Variants in PRKG1 observed in about 807,000 individuals in gnomAD.
PRKG1 encodes the protein cGMP-dependent protein kinase 1.
A neutral mutation model predicts 88.1 loss-of-function variants in PRKG1; 35 were observed. That is an observed-to-expected ratio of 0.40 (90% CI 0.30 to 0.53). The LOEUF is 0.53. PRKG1 is among the 20% of genes least tolerant of loss of function. The pLI is 0.59. For missense variants in PRKG1, 540 were observed against 839.8 expected (o/e 0.64, Z 4.41); for synonymous variants, 303 against 292.5 (o/e 1.04, Z -0.37).
intron 4 of PRKG1, among the ~76,000 whole-genome samples, chr10:51,897,411 A>T (rs1297595422): frequency 1.3e-5 from 2 of 151,884 alleles, no homozygotes; most frequent in African/African-American, 4.8e-5. Flanking sequence ...AATTAATATA[A>T]CTCTGTATGC....
rs573331544 is a variant in PRKG1 at position 51,906,150 on chromosome 10, C to T, written c.699-1357C>T. 7.9e-5 allele frequency among the ~76,000 whole-genome samples: 12 copies of T among 152,124 alleles called. No homozygotes were observed. In the East Asian group the frequency reaches 1.2e-3, roughly 15 times the overall value. ...TGTGTCTTCAATAATGGTTAGGAGT[C>T]GGCCTGGAGAAAGGTGTGTGTATGG... On this transcript the variant is annotated intron_variant, in intron 4 of 17. Coordinates refer to ENST00000373980, the MANE Select transcript of PRKG1 (RefSeq NM_006258.4).
At chr10:51,327,416 C>CA (rs778963198) in intron 2 of PRKG1, among the ~76,000 whole-genome samples, 10,042 of 79,874 alleles carry the variant, frequency 0.13, 531 homozygotes, top group African/African-American at 0.24. Flanking sequence ...GACTCAATCT[C>CA]AAAAAAAAAA....
intron 5 of PRKG1, among the ~76,000 whole-genome samples, chr10:51,929,772 A>T (rs1216372032): frequency 1.3e-5 from 2 of 152,154 alleles, no homozygotes; most frequent in Non-Finnish European, 2.9e-5. Flanking sequence ...CTCTTAGAGG[A>T]TACTACATAT....
chr10:51,480,516 A>G (rs1840322438), intron 3 of PRKG1, among the ~76,000 whole-genome samples: 1 of 151,792 alleles, frequency 6.6e-6, no homozygotes, highest in Non-Finnish European at 1.5e-5. Flanking sequence ...TCATCTTTGG[A>G]AGTAGAATGA....
chr10:51,316,931 G>T (rs530272777), intron 2 of PRKG1, among the ~76,000 whole-genome samples: 1 of 152,114 alleles, frequency 6.6e-6, no homozygotes, highest in African/African-American at 2.4e-5. Flanking sequence ...TTTGAGCTGG[G>T]TGCATAAAAT....
chr10:51,756,398 G>T (rs780584731), intron 3 of PRKG1, among the ~76,000 whole-genome samples: 51 of 150,568 alleles, frequency 3.4e-4, no homozygotes, highest in Non-Finnish European at 6.0e-4. Flanking sequence ...GAGGTGGGAG[G>T]ATTGCTTGAG....
intron 3 of PRKG1, among the ~76,000 whole-genome samples, chr10:51,473,911 G>A (rs1321544109): frequency 3.3e-5 from 5 of 151,774 alleles, no homozygotes; most frequent in Non-Finnish European, 1.5e-5. Context: ...TTGCTTAGAG[G>A]CATTTTTAGT....
At chr10:51,944,177 T>C (rs2133036967) in intron 5 of PRKG1, among the ~76,000 whole-genome samples, 1 of 152,228 alleles carries the variant, frequency 6.6e-6, no homozygotes, top group African/African-American at 2.4e-5. Flanking sequence ...CCTGGTTTAG[T>C]CTTGGGAGGG....
chr10:51,284,363 A>G (rs531569685), intron 2 of PRKG1, among the ~76,000 whole-genome samples: 1 of 152,350 alleles, frequency 6.6e-6, no homozygotes, highest in Non-Finnish European at 1.5e-5. Flanking sequence ...TAGGAAGCTG[A>G]GGCTCAGAAT....
At chr10:51,298,950 G>T (rs1329964033) in intron 2 of PRKG1, among the ~76,000 whole-genome samples, 4 of 152,108 alleles carry the variant, frequency 2.6e-5, no homozygotes, top group Non-Finnish European at 4.4e-5. Context: ...TTGTTCTTTG[G>T]TAAGTGTTTT....
At position 51,685,641 on chromosome 10, in the gene PRKG1, A is replaced by G. The variant is rs536885751; in HGVS notation, c.593-118944A>G. ...TTAAATAATTATATTTCATGTCTAT[A>G]TCAATATGTTATATTTCATTTTTTA... On this transcript the variant is annotated intron_variant, in intron 3 of 17. Transcript: ENST00000373980. 2.0e-5 allele frequency among the ~76,000 whole-genome samples: 3 copies of G among 152,332 alleles called. No homozygotes were observed. In the East Asian group the frequency reaches 5.8e-4, roughly 29 times the overall value.
At chr10:51,976,142 T>G (rs566904224) in intron 5 of PRKG1, among the ~76,000 whole-genome samples, 1 of 152,076 alleles carries the variant, frequency 6.6e-6, no homozygotes, top group East Asian at 1.9e-4. Flanking sequence ...GTGGATAAAT[T>G]GTGACCCTCA....
chr10:51,743,709 TAA>T (rs1491110034), intron 3 of PRKG1, among the ~76,000 whole-genome samples: 217 of 109,282 alleles, frequency 2.0e-3, no homozygotes, highest in Middle Eastern at 0.011. Flanking sequence ...TAATATAAAC[TAA>T]ATATATATAT....
chr10:52,063,802 A>G (rs560995164), intron 7 of PRKG1, among the ~76,000 whole-genome samples: 2 of 151,964 alleles, frequency 1.3e-5, no homozygotes, highest in South Asian at 4.2e-4. Context: ...CAGAGAGGGT[A>G]GCTCCTCTCT....
At chr10:52,187,683 A>G (rs1839232935) in intron 9 of PRKG1, among the ~76,000 whole-genome samples, 1 of 152,232 alleles carries the variant, frequency 6.6e-6, no homozygotes, top group African/African-American at 2.4e-5. Context: ...AGATTCTGCC[A>G]GCACAATGCT....
chr10:51,362,161 GTC>G (rs1436999484), intron 2 of PRKG1, among the ~76,000 whole-genome samples: 3 of 151,800 alleles, frequency 2.0e-5, no homozygotes, highest in African/African-American at 7.3e-5. Flanking sequence ...TTGAGACAGG[GTC>G]TCACTCTGTT....
At chr10:51,236,961 G>A (rs1285723684) in intron 2 of PRKG1, among the ~76,000 whole-genome samples, 1 of 152,226 alleles carries the variant, frequency 6.6e-6, no homozygotes, top group African/African-American at 2.4e-5. Flanking sequence ...TGTGAAGACA[G>A]ATGTGGAAGG....
At chr10:51,418,972 TA>T (rs759914824) in intron 2 of PRKG1, among the ~76,000 whole-genome samples, 23 of 152,314 alleles carry the variant, frequency 1.5e-4, no homozygotes, top group South Asian at 8.3e-4. Flanking sequence ...GCGAAAGTAA[TA>T]TTTTTTTCAG....
chr10:51,251,493 CAT>C (rs1839426702), intron 2 of PRKG1, among the ~76,000 whole-genome samples: 1 of 151,710 alleles, frequency 6.6e-6, no homozygotes. Flanking sequence ...TTTATATCTG[CAT>C]ATTTTAAATA....
Sources: allele counts gnomAD v4.1 joint callset (sites outside exome capture counted in the v4.1 genomes callset), GRCh38; gene constraint gnomAD v4.1.1; transcripts MANE v1.5; gene names NCBI Gene and HGNC (gene_info 2026-07-23, HGNC 2026-07-21).